BSN: variants seen among roughly 807,000 people sequenced by gnomAD.
BSN encodes bassoon presynaptic cytomatrix protein.
BSN carries 57 observed loss-of-function variants against 264.8 expected under a neutral mutation model. The observed-to-expected ratio is 0.22, with a 90% CI of 0.17 to 0.27. BSN has a LOEUF of 0.27. BSN is among the 10% of genes least tolerant of loss of function. BSN has a pLI of 1.00. For synonymous variants in BSN, 2,059 were observed against 2,137.3 expected (o/e 0.96, Z 1.01); for missense variants, 4,615 against 5,232.5 (o/e 0.88, Z 3.64).
intron 1 of BSN, among the ~76,000 whole-genome samples, chr3:49,608,568 G>A (rs1364468503): frequency 2.6e-5 from 4 of 152,138 alleles, no homozygotes; most frequent in Non-Finnish European, 4.4e-5. Context: ...GGTGGCTCAC[G>A]CCTATAATCC....
In BSN at chr3:49,654,849, G is replaced by C. The variant is rs200332194; in HGVS notation, c.5293G>C (p.Gly1765Arg). ...YQSRLDFGQG[G>R]GSPVCLAQVK... ...GAGCCGCCTTGACTTTGGCCAGGGT[G>C]GGGGTAGCCCTGTGTGCCTGGCCCA... Residue 1765 changes from glycine to arginine, a missense_variant, in exon 5 of 12, where the codon GGG becomes CGG. Around this residue, in one of 3 missense-constraint regions of BSN, gnomAD observed 3,415 missense variants for 3,866.4 expected, o/e 0.88. Transcript: ENST00000296452. This position sits in a 1 kb window ranked among gnomAD's most constrained non-coding sequence, Gnocchi z 4.1. 11 of 1,613,474 alleles carry C rather than the reference G, an allele frequency of 6.8e-6. No homozygotes were observed. The highest frequency in any genetic ancestry group is 9.3e-6 in the Non-Finnish European group (11 of 1,179,976).
intron 1 of BSN, among the ~76,000 whole-genome samples, chr3:49,597,479 C>T (rs2052033034): frequency 1.3e-5 from 2 of 151,998 alleles, no homozygotes; most frequent in African/African-American, 2.4e-5. Context: ...ACAGGTGTGC[C>T]CCACCACACC....
intron 1 of BSN, among the ~76,000 whole-genome samples, chr3:49,600,538 G>C (rs1228879253): frequency 6.6e-6 from 1 of 152,144 alleles, no homozygotes; most frequent in Non-Finnish European, 1.5e-5. Flanking sequence ...GGAGACTGAG[G>C]TGGAAGGATC....
At chr3:49,666,602 C>T (rs1200234037) in intron 11 of BSN, among the ~76,000 whole-genome samples, 2 of 152,182 alleles carry the variant, frequency 1.3e-5, no homozygotes, top group African/African-American at 4.8e-5. Flanking sequence ...ACAAAGTGCT[C>T]AGAGCAGAAG....
At position 49,657,309 on chromosome 3, in the gene BSN, G is replaced by A. The variant is rs772137844; in HGVS notation, c.7753G>A (p.Val2585Met). 1.3e-5 allele frequency: 21 copies of A among 1,613,348 alleles called. No individual in the cohort carries two copies. The highest frequency in any genetic ancestry group is 1.6e-4 in the Middle Eastern group (1 of 6,084). Residue 2585 changes from valine to methionine, a missense_variant, in exon 5 of 12, where the codon GTG becomes ATG. Physicochemically the swap from Val to Met is conservative, Grantham distance 21 (BLOSUM62 1). Transcript: ENST00000296452. ...CVVRRIADSS[V>M]QTDDEDGESR... ...GGTCAGGAGGATTGCCGACAGCAGC[G>A]TGCAGACAGACGATGAGGATGGGGA... is the stretch of plus-strand genomic sequence containing the variant.
chr3:49,656,883 G>A lies in BSN; in HGVS notation c.7327G>A (p.Glu2443Lys), dbSNP rs772839748. The change falls in exon 5 of 12, where the codon GAA (glutamate) becomes AAA (lysine). Residue 2443 changes from glutamate to lysine, a missense_variant. Glu to Lys is a moderately conservative substitution (Grantham distance 56, BLOSUM62 1). This residue lies in a region of BSN where 3,415 missense variants were observed against 3,866.4 expected (regional missense o/e 0.88). Transcript: ENST00000296452. ...CCAGGCTCAATTTGCACTGCAGCGG[G>A]AACAGCTAGCGCAGCAGCGTCTGCA... ...ERQAQFALQR[E>K]QLAQQRLQLE... is the part of the protein sequence containing the mutation. The A allele has an allele frequency of 3.7e-6, 6 of 1,601,678 alleles. No individual in the cohort carries two copies. The Middle Eastern group carries it at 6.7e-4, about 178-fold the overall frequency.
chr3:49,671,849 C>G (rs1217363313), downstream of BSN, among the ~76,000 whole-genome samples: 1 of 152,122 alleles, frequency 6.6e-6, no homozygotes, highest in African/African-American at 2.4e-5. The surrounding 1 kb of genome is among the most constrained non-coding windows in gnomAD (Gnocchi z 4.1). Flanking sequence ...TTTCTGGGAC[C>G]TGGTTCCAGG....
chr3:49,612,052 C>G (rs2052210166), intron 1 of BSN, among the ~76,000 whole-genome samples: 1 of 151,990 alleles, frequency 6.6e-6, no homozygotes, highest in Non-Finnish European at 1.5e-5. Flanking sequence ...CCAAAAACTG[C>G]AAGAGGAATA....
intron 1 of BSN, among the ~76,000 whole-genome samples, chr3:49,613,290 T>TATAC (rs1172704596): frequency 2.6e-5 from 2 of 76,328 alleles, no homozygotes; most frequent in African/African-American, 4.2e-5. Flanking sequence ...TATATATATA[T>TATAC]ACACACACAG....
chr3:49,559,163 G>T (rs1313435574), intron 1 of BSN, among the ~76,000 whole-genome samples: 1 of 152,120 alleles, frequency 6.6e-6, no homozygotes, highest in African/African-American at 2.4e-5. Flanking sequence ...CTGAGCTCAG[G>T]TGATCTGCCC....
rs2052472386 is a variant in BSN at position 49,642,596 on chromosome 3, C to T, written c.962C>T (p.Ala321Val). The T allele has an allele frequency of 1.9e-6, 3 of 1,604,446 alleles. No individual in the cohort carries two copies. Among genetic ancestry groups the T allele is most frequent in the South Asian group, 1.1e-5 (1 of 90,300 alleles). ...TCCACAGCTGAGCCCAGGCCACCTG[C>T]AGGAGAGGCCCCGGCCAAAAGTGCC... is the stretch of plus-strand genomic sequence containing the variant. ...KPSTAEPRPP[A>V]GEAPAKSATA... Residue 321 changes from alanine (A) to valine (V), a missense_variant, in exon 3 of 12, where the codon GCA becomes GTA. Physicochemically the swap from Ala to Val is moderately conservative, Grantham distance 64. Transcript: ENST00000296452. This position sits in a 1 kb window ranked among gnomAD's most constrained non-coding sequence, Gnocchi z 7.0.
intron 1 of BSN, among the ~76,000 whole-genome samples, chr3:49,565,976 C>G (rs904089204): frequency 6.6e-6 from 1 of 152,100 alleles, no homozygotes; most frequent in Admixed American, 6.6e-5. Flanking sequence ...GTGCACACCA[C>G]CATTCCTGAC....
intron 1 of BSN, among the ~76,000 whole-genome samples, chr3:49,613,335 A>AGAGAGAGAGAGAGAGAGAGG (rs2052225820): frequency 6.7e-6 from 1 of 150,324 alleles, no homozygotes; most frequent in Non-Finnish European, 1.5e-5. Context: ...AGAGAGAGAG[A>AGAGAGAGAGAGAGAGAGAGG]GAGAGAGAGA....
rs2052550775 is a variant in BSN at position 49,652,389 on chromosome 3, G to A, written c.2833G>A (p.Glu945Lys). The change falls in exon 5 of 12, where the codon GAG becomes AAG. Residue 945 changes from glutamate (E) to lysine (K), a missense_variant. This residue lies in a region of BSN where 1,197 missense variants were observed against 1,348.0 expected (regional missense o/e 0.89). Transcript: ENST00000296452. ...ELNSTGSYGH[E>K]LDLGQGPDPS... ...CAACAGCACGGGAAGTTATGGTCAT[G>A]AGTTGGACCTGGGCCAAGGCCCAGA... is the stretch of plus-strand genomic sequence containing the variant. The A allele has an allele frequency of 4.4e-6, 7 of 1,608,880 alleles. No homozygotes were observed. Among genetic ancestry groups the A allele is most frequent in the Non-Finnish European group, 5.9e-6 (7 of 1,177,396 alleles).
At chr3:49,607,311 T>C (rs139637002) in intron 1 of BSN, among the ~76,000 whole-genome samples, 139 of 152,298 alleles carry the variant, frequency 9.1e-4, no homozygotes, top group Non-Finnish European at 1.5e-3. Context: ...CTACTGGGCA[T>C]TTGGCACTGT....
intron 1 of BSN, among the ~76,000 whole-genome samples, chr3:49,555,216 C>T (rs1302881384): frequency 1.3e-5 from 2 of 152,164 alleles, no homozygotes; most frequent in Admixed American, 6.5e-5. Flanking sequence ...GTCCATTGTG[C>T]TGGGCCGAGA....
In BSN at chr3:49,638,851, A is replaced by G. The variant is rs1275365511; in HGVS notation, c.634-3417A>G. 1.3e-5 allele frequency among the ~76,000 whole-genome samples: 2 copies of G among 152,184 alleles called. No individual in the cohort carries two copies. Among genetic ancestry groups the G allele is most frequent in the African/African-American group, 4.8e-5 (2 of 41,448 alleles). On this transcript the variant is annotated intron_variant, in intron 2 of 11. Transcript: ENST00000296452. The surrounding 1 kb of genome is among the most constrained non-coding windows in gnomAD (Gnocchi z 4.3). The stretch of plus-strand genomic sequence containing the variant: ...CCTTACCTCCTAAATTCCCTTTCCC[A>G]GGAAGAAGTCTCACCTCAGGGCATG...
intron 1 of BSN, among the ~76,000 whole-genome samples, chr3:49,582,324 G>A (rs1016808988): frequency 6.6e-6 from 1 of 152,072 alleles, no homozygotes; most frequent in African/African-American, 2.4e-5. Context: ...TTCAAGACAG[G>A]GTCTTGCTGT....
chr3:49,554,532 T>A lies in BSN; in HGVS notation c.-71T>A. Reference sequence around the variant, plus strand: ...GCGGCGGCAGCGGCGGCGCCGAGAGTGTGAGCACCGCCCGGGAGCCGCCGG... The same window carrying A: ...GCGGCGGCAGCGGCGGCGCCGAGAGAGTGAGCACCGCCCGGGAGCCGCCGG... On this transcript the variant is annotated 5_prime_UTR_variant, in exon 1 of 12. Transcript: ENST00000296452. 1 of 515,706 alleles carries A rather than the reference T, an allele frequency of 1.9e-6. No homozygotes were observed. The highest frequency in any genetic ancestry group is 7.9e-5 in the South Asian group (1 of 12,650). The allele number at this position is 515,706 out of a possible 1,614,324, so 31.9% of individuals were successfully genotyped here.
Sources: gnomAD v4.1 joint callset for allele counts (sites outside exome capture counted in the v4.1 genomes callset) on GRCh38, gnomAD v4.1.1 for gene constraint, gnomAD v4.1.1 regional missense constraint, Gnocchi (gnomAD v3.1) non-coding constraint, MANE v1.5 for transcripts, NCBI Gene and HGNC (gene_info 2026-07-23, HGNC 2026-07-21) for gene names.